DLC1: variants seen among roughly 807,000 people sequenced by gnomAD.
DLC1 encodes DLC1 Rho GTPase activating protein, also known as rho GTPase-activating protein 7.
A neutral mutation model predicts 140.3 loss-of-function variants in DLC1; 54 were observed. The ratio of observed to expected loss-of-function variants is 0.38; its 90% CI spans 0.31 to 0.48. DLC1 has a LOEUF of 0.48. DLC1 is among the 20% of genes least tolerant of loss of function. DLC1 has a pLI of 0.96. For missense variants in DLC1, 2,536 were observed against 1,907.0 expected (o/e 1.33, Z -6.14); for synonymous variants, 986 against 728.1 (o/e 1.35, Z -5.70).
intron 4 of DLC1, among the ~76,000 whole-genome samples, chr8:13,349,298 G>T (rs535055235): frequency 2.0e-5 from 3 of 152,190 alleles, no homozygotes; most frequent in African/African-American, 7.2e-5. Flanking sequence ...GGCTTTAGAT[G>T]TAAAAAGTGT....
intron 1 of DLC1, among the ~76,000 whole-genome samples, chr8:13,573,502 G>A (rs1199278739): frequency 1.3e-5 from 2 of 152,148 alleles, no homozygotes; most frequent in Non-Finnish European, 1.5e-5. Context: ...TGAATAGAAG[G>A]TGTGAAAGTG....
chr8:13,259,086 G>A (rs1173226280), intron 5 of DLC1, among the ~76,000 whole-genome samples: 4 of 143,474 alleles, frequency 2.8e-5, no homozygotes, highest in African/African-American at 5.2e-5. Context: ...GCAGTGAGCC[G>A]AGATCACACC....
intron 1 of DLC1, among the ~76,000 whole-genome samples, chr8:13,534,878 A>G (rs958733262): frequency 6.6e-6 from 1 of 152,060 alleles, no homozygotes; most frequent in African/African-American, 2.4e-5. Flanking sequence ...AATCTGAGAG[A>G]TGTTTTGCTG....
chr8:13,124,934 A>T (rs201269285), intron 5 of DLC1, among the ~76,000 whole-genome samples: 11 of 152,042 alleles, frequency 7.2e-5, no homozygotes, highest in African/African-American at 2.4e-4. Context: ...GAAAGTTTTA[A>T]TTACTTTTAT....
At chr8:13,189,134 T>C (rs1826593456) in intron 5 of DLC1, among the ~76,000 whole-genome samples, 1 of 152,060 alleles carries the variant, frequency 6.6e-6, no homozygotes, top group Non-Finnish European at 1.5e-5. Flanking sequence ...GATAAAATAA[T>C]TGTAAGTATT....
At chr8:13,520,065 C>T (rs559585466) in intron 1 of DLC1, among the ~76,000 whole-genome samples, 3 of 152,238 alleles carry the variant, frequency 2.0e-5, no homozygotes, top group South Asian at 2.1e-4. Context: ...GACAGTGTGG[C>T]GATTCCTCAA....
rs1361336644 is a variant in DLC1, at chr8:13,099,807, G to A, written c.2530C>T (p.His844Tyr). Residue 844 changes from histidine to tyrosine, a missense_variant, in exon 9 of 18, where the codon CAC (histidine) becomes TAC (tyrosine). Coordinates refer to ENST00000276297, the MANE Select transcript of DLC1 (RefSeq NM_182643.3). ...GSVNWRTGSFHGPGHISLRRE... is the reference protein window; with the variant it reads ...GSVNWRTGSFYGPGHISLRRE... The stretch of plus-strand genomic sequence containing the variant: ...CTGAGGCTGATGTGGCCAGGGCCGT[G>A]GAAGCTTCCCGTCCTCCAGTTCACA... The A allele has an allele frequency of 6.2e-7, 1 of 1,614,038 alleles. No homozygotes were observed.
chr8:13,436,053 CAG>C (rs1267260002), intron 2 of DLC1, among the ~76,000 whole-genome samples: 2 of 152,284 alleles, frequency 1.3e-5, no homozygotes, highest in East Asian at 3.9e-4. Flanking sequence ...TTTTAAAAGA[CAG>C]AATGCTGTTG....
At chr8:13,429,374 G>T (rs1393340003) in intron 2 of DLC1, among the ~76,000 whole-genome samples, 1 of 152,222 alleles carries the variant, frequency 6.6e-6, no homozygotes, top group African/African-American at 2.4e-5. Flanking sequence ...TGCAATGTAA[G>T]TATCTGGCCA....
At chr8:13,491,986 G>C (rs937034084) in intron 2 of DLC1, among the ~76,000 whole-genome samples, 5 of 152,168 alleles carry the variant, frequency 3.3e-5, no homozygotes, top group African/African-American at 7.2e-5. Flanking sequence ...GTTAGCAATG[G>C]TGGAATCAAT....
At chr8:13,086,071 T>C (rs748350469) in intron 17 of DLC1, 140 bp from the exon 18 acceptor site, 12 of 1,414,944 alleles carry the variant, frequency 8.5e-6, no homozygotes, top group Non-Finnish European at 1.1e-5. Context: ...CGAGCTACCA[T>C]ATTTGCTTTG....
chr8:13,188,799 G>GTATATATATATATATATATATATATA (rs1328743019), intron 5 of DLC1, among the ~76,000 whole-genome samples: 6 of 79,566 alleles, frequency 7.5e-5, no homozygotes, highest in South Asian at 4.7e-4. Flanking sequence ...GTGTGTGTGT[G>GTATATATATATATATATATATATATA]TGTATATATA....
intron 2 of DLC1, among the ~76,000 whole-genome samples, chr8:13,401,910 C>T (rs1204113362): frequency 1.3e-5 from 2 of 151,974 alleles, no homozygotes; most frequent in African/African-American, 4.8e-5. Flanking sequence ...TTTCCCACTA[C>T]CTATTTTTGG....
chr8:13,317,827 A>G (rs1209842535), intron 4 of DLC1, among the ~76,000 whole-genome samples: 1 of 152,144 alleles, frequency 6.6e-6, no homozygotes, highest in Non-Finnish European at 1.5e-5. Context: ...AATAAGTTGT[A>G]GTCAAGAGTC....
intron 5 of DLC1, among the ~76,000 whole-genome samples, chr8:13,274,709 A>G (rs926179010): frequency 2.0e-5 from 3 of 152,338 alleles, no homozygotes; most frequent in East Asian, 1.9e-4. Flanking sequence ...ATGAAAATGT[A>G]AGAGGAAATC....
intron 2 of DLC1, among the ~76,000 whole-genome samples, chr8:13,482,751 T>C (rs1432868041): frequency 6.6e-6 from 1 of 152,198 alleles, no homozygotes; most frequent in Non-Finnish European, 1.5e-5. Context: ...TATTGTGACA[T>C]AAGATCATGC....
chr8:13,538,306 G>A (rs939719178), intron 1 of DLC1, among the ~76,000 whole-genome samples: 1 of 151,830 alleles, frequency 6.6e-6, no homozygotes, highest in Non-Finnish European at 1.5e-5. Context: ...AAACTTTCGT[G>A]TAAATGGGAA....
chr8:13,106,958 C>T (rs889003614), intron 7 of DLC1, among the ~76,000 whole-genome samples: 3 of 152,164 alleles, frequency 2.0e-5, no homozygotes, highest in African/African-American at 4.8e-5. Context: ...CACAATACTA[C>T]GTGCACATGC....
intron 5 of DLC1, among the ~76,000 whole-genome samples, chr8:13,296,790 C>T (rs1168930798): frequency 6.6e-6 from 1 of 151,602 alleles, no homozygotes; most frequent in African/African-American, 2.4e-5. Context: ...ACATGAAATG[C>T]CATAATAAAT....
Sources: gnomAD v4.1 joint callset for allele counts (sites outside exome capture counted in the v4.1 genomes callset) on GRCh38, gnomAD v4.1.1 for gene constraint, MANE v1.5 for transcripts, NCBI Gene and HGNC (gene_info 2026-07-23, HGNC 2026-07-21) for gene names.